Variants in QTMAN observed in about 807,000 individuals in gnomAD.
QTMAN encodes the protein queuosine-tRNA mannosyltransferase, also known as tRNA-queuosine alpha-mannosyltransferase.
the QTMAN span, among the ~76,000 whole-genome samples, chr2:144,193,532 G>A: frequency 6.6e-6 from 1 of 150,698 alleles, no homozygotes; most frequent in African/African-American, 2.4e-5. Context: ...GTATGTGTGT[G>A]TGTAAAGAGA....
At chr2:144,071,233 T>C in the QTMAN span, among the ~76,000 whole-genome samples, 4 of 146,810 alleles carry the variant, frequency 2.7e-5, no homozygotes, top group Non-Finnish European at 6.0e-5. Flanking sequence ...ATAAATAACA[T>C]GGGAACATTT....
At chr2:144,101,232 T>C in the QTMAN span, among the ~76,000 whole-genome samples, 1 of 152,262 alleles carries the variant, frequency 6.6e-6, no homozygotes, top group Admixed American at 6.5e-5. Flanking sequence ...CAAGACATTT[T>C]CCAAAGTTTT....
chr2:144,301,370 G>A, the QTMAN span, among the ~76,000 whole-genome samples: 2 of 152,022 alleles, frequency 1.3e-5, no homozygotes, highest in African/African-American at 2.4e-5. Context: ...CTACAGATGC[G>A]CACCACCACG....
the QTMAN span, among the ~76,000 whole-genome samples, chr2:144,075,588 G>A: frequency 5.9e-5 from 9 of 152,168 alleles, no homozygotes; most frequent in Non-Finnish European, 1.5e-5. Flanking sequence ...AGTAGTGATA[G>A]GACTCTATAA....
chr2:144,224,430 A>C, the QTMAN span, among the ~76,000 whole-genome samples: 1 of 152,220 alleles, frequency 6.6e-6, no homozygotes, highest in African/African-American at 2.4e-5. Context: ...TAGGTAACAA[A>C]GCAAATGGGA....
At chr2:144,287,914 G>C in the QTMAN span, among the ~76,000 whole-genome samples, 3 of 152,056 alleles carry the variant, frequency 2.0e-5, no homozygotes, top group African/African-American at 7.2e-5. Flanking sequence ...GAGTGCAGTG[G>C]TGCGATCTCG....
At chr2:144,214,257 T>C in the QTMAN span, among the ~76,000 whole-genome samples, 1 of 152,206 alleles carries the variant, frequency 6.6e-6, no homozygotes, top group African/African-American at 2.4e-5. Context: ...TACAAAAAAG[T>C]TATTTTTTTA....
At chr2:144,204,204 C>A in the QTMAN span, among the ~76,000 whole-genome samples, 1 of 152,144 alleles carries the variant, frequency 6.6e-6, no homozygotes, top group Non-Finnish European at 1.5e-5. Context: ...TCAGAGTGAA[C>A]AGGCAACCTA....
chr2:144,003,463 T>C, the QTMAN span, among the ~76,000 whole-genome samples: 1 of 151,950 alleles, frequency 6.6e-6, no homozygotes, highest in Non-Finnish European at 1.5e-5. Flanking sequence ...GCCTGTTTTT[T>C]ACAGGTCTTT....
the QTMAN span, among the ~76,000 whole-genome samples, chr2:144,254,638 A>T: frequency 6.6e-6 from 1 of 152,198 alleles, no homozygotes; most frequent in African/African-American, 2.4e-5. Flanking sequence ...GTGGAGCTGT[A>T]AGAAGAGCAC....
At chr2:144,053,813 C>T in the QTMAN span, among the ~76,000 whole-genome samples, 1 of 152,132 alleles carries the variant, frequency 6.6e-6, no homozygotes, top group Admixed American at 6.5e-5. Flanking sequence ...TAAGTCACCC[C>T]ACTCTGCATC....
the QTMAN span, among the ~76,000 whole-genome samples, chr2:144,182,799 T>C: frequency 3.7e-4 from 5 of 13,402 alleles, 2 homozygotes; most frequent in East Asian, 0.019. Flanking sequence ...ATATATATAT[T>C]ATATATATAA....
the QTMAN span, among the ~76,000 whole-genome samples, chr2:144,133,823 C>A: frequency 6.6e-6 from 1 of 151,288 alleles, no homozygotes; most frequent in East Asian, 1.9e-4. Context: ...TCTGAAGAGC[C>A]AAAATAATTG....
chr2:144,035,132 G>T, the QTMAN span, among the ~76,000 whole-genome samples: 1 of 152,158 alleles, frequency 6.6e-6, no homozygotes, highest in Non-Finnish European at 1.5e-5. Context: ...TTGTGATAAT[G>T]AGTTCTTGTC....
chr2:144,090,070 T>C, the QTMAN span, among the ~76,000 whole-genome samples: 2 of 152,086 alleles, frequency 1.3e-5, no homozygotes, highest in South Asian at 4.1e-4. Context: ...AAGCAATCGA[T>C]GTAATCCACC....
At chr2:144,050,638 A>G in the QTMAN span, among the ~76,000 whole-genome samples, 191 of 152,286 alleles carry the variant, frequency 1.3e-3, no homozygotes, top group African/African-American at 4.5e-3. Context: ...TTTTTCCTTC[A>G]TTCTTGTTTT....
chr2:144,326,178 A>C, the QTMAN span, among the ~76,000 whole-genome samples: 1 of 152,238 alleles, frequency 6.6e-6, no homozygotes, highest in East Asian at 1.9e-4. Flanking sequence ...TGAAAAACTG[A>C]AATCTCCAAT....
chr2:144,215,644 A>T, the QTMAN span, among the ~76,000 whole-genome samples: 1 of 152,190 alleles, frequency 6.6e-6, no homozygotes, highest in African/African-American at 2.4e-5. Context: ...TAATTCCATG[A>T]ATGATTTCAA....
the QTMAN span, chr2:143,943,945 C>T: frequency 1.3e-5 from 2 of 152,088 alleles, no homozygotes; most frequent in African/African-American, 4.8e-5. Flanking sequence ...TATTTCAAGA[C>T]ACTGTGTCAA....
Sources: allele counts gnomAD v4.1 joint callset (sites outside exome capture counted in the v4.1 genomes callset), GRCh38; gene constraint gnomAD v4.1.1; transcripts MANE v1.5; gene names NCBI Gene and HGNC (gene_info 2026-07-23, HGNC 2026-07-21).